CTNNA2: variants seen among roughly 807,000 people sequenced by gnomAD.
CTNNA2 encodes the protein catenin alpha 2, also known as catenin alpha-2.
CTNNA2 carries 42 observed loss-of-function variants against 101.0 expected under a neutral mutation model. The observed-to-expected ratio is 0.42, with a 90% CI of 0.32 to 0.54. The LOEUF (loss-of-function observed/expected upper bound fraction) is 0.54, where lower values mean the gene tolerates loss of function less well. CTNNA2 is among the 20% of genes least tolerant of loss of function. CTNNA2 has a pLI of 0.14. For missense variants in CTNNA2, 871 were observed against 1,223.1 expected (o/e 0.71, Z 4.29); for synonymous variants, 450 against 456.4 (o/e 0.99, Z 0.18).
chr2:79,719,313 T>C (rs575712576), intron 2 of CTNNA2, among the ~76,000 whole-genome samples: 1 of 152,302 alleles, frequency 6.6e-6, no homozygotes, highest in South Asian at 2.1e-4. Flanking sequence ...CAATCCACCA[T>C]TAATGGACAC....
chr2:79,616,848 T>G (rs923677038), intron 1 of CTNNA2, among the ~76,000 whole-genome samples: 13 of 152,166 alleles, frequency 8.5e-5, no homozygotes, highest in African/African-American at 2.9e-4. Context: ...TCCTTGTCTT[T>G]TGGCGTTTGT....
At chr2:80,109,408 C>G (rs974484913) in intron 7 of CTNNA2, among the ~76,000 whole-genome samples, 1 of 152,052 alleles carries the variant, frequency 6.6e-6, no homozygotes, top group African/African-American at 2.4e-5. Context: ...TTGCAGTGAG[C>G]GGAGATTGCA....
At chr2:79,833,304 T>C (rs927735696) in intron 3 of CTNNA2, among the ~76,000 whole-genome samples, 4 of 152,200 alleles carry the variant, frequency 2.6e-5, no homozygotes, top group Non-Finnish European at 5.9e-5. Context: ...TCCAGGGCCA[T>C]TGCACTTCTG....
intron 4 of CTNNA2, among the ~76,000 whole-genome samples, chr2:79,503,820 C>T (rs192681962): frequency 1.3e-5 from 2 of 152,224 alleles, no homozygotes; most frequent in East Asian, 1.9e-4. Flanking sequence ...GAAGTTGATC[C>T]ACTACCCGGC....
intron 7 of CTNNA2, among the ~76,000 whole-genome samples, chr2:80,301,081 C>T (rs1309714184): frequency 6.6e-6 from 1 of 152,146 alleles, no homozygotes; most frequent in East Asian, 1.9e-4. Context: ...TATCTTCTCC[C>T]ACTCTCCCCA....
At chr2:80,167,022 T>C (rs1298598981) in intron 7 of CTNNA2, among the ~76,000 whole-genome samples, 1 of 151,764 alleles carries the variant, frequency 6.6e-6, no homozygotes, top group Non-Finnish European at 1.5e-5. Context: ...CAGCCTGACT[T>C]CTTCTTGCAT....
chr2:79,583,114 A>G (rs1413107195), intron 1 of CTNNA2, among the ~76,000 whole-genome samples: 1 of 151,648 alleles, frequency 6.6e-6, no homozygotes, highest in Admixed American at 6.6e-5. Flanking sequence ...TTGTTGCCAC[A>G]GTTTGTTTAT....
At chr2:79,615,639 G>A (rs1678568900) in intron 1 of CTNNA2, among the ~76,000 whole-genome samples, 1 of 152,138 alleles carries the variant, frequency 6.6e-6, no homozygotes, top group Admixed American at 6.5e-5. Context: ...GGTATTTGAA[G>A]GAATTTTCTT....
At chr2:80,644,838 A>G (rs1041537724) in intron 18 of CTNNA2, among the ~76,000 whole-genome samples, 3 of 152,166 alleles carry the variant, frequency 2.0e-5, no homozygotes, top group Non-Finnish European at 2.9e-5. Context: ...TTTCAAAGCT[A>G]TCTCACTCTC....
At chr2:80,609,071 G>T (rs216669) in intron 17 of CTNNA2, among the ~76,000 whole-genome samples, 34,137 of 151,550 alleles carry the variant, frequency 0.23, 5,437 homozygotes, top group African/African-American at 0.46. Context: ...TCAACACAGG[G>T]TGCCATTTGT....
chr2:80,409,748 A>G (rs1679398898), intron 8 of CTNNA2, among the ~76,000 whole-genome samples: 1 of 152,276 alleles, frequency 6.6e-6, no homozygotes, highest in South Asian at 2.1e-4. Context: ...TAGTATCTGT[A>G]CCATCATATT....
intron 7 of CTNNA2, among the ~76,000 whole-genome samples, chr2:79,950,842 A>G (rs1242380715): frequency 6.6e-6 from 1 of 152,190 alleles, no homozygotes; most frequent in East Asian, 1.9e-4. Context: ...ATACATTAAC[A>G]TTTACCCACC....
At chr2:80,077,272 C>G (rs1573009046) in intron 7 of CTNNA2, among the ~76,000 whole-genome samples, 1 of 152,206 alleles carries the variant, frequency 6.6e-6, no homozygotes, top group Non-Finnish European at 1.5e-5. Context: ...GTAAATAACA[C>G]TTTAAGAAAG....
At chr2:80,563,486 G>C (rs1015691069) in intron 12 of CTNNA2, among the ~76,000 whole-genome samples, 7 of 152,190 alleles carry the variant, frequency 4.6e-5, no homozygotes, top group Admixed American at 3.3e-4. Context: ...GTGAACAAAA[G>C]AACAACAGAA....
intron 3 of CTNNA2, among the ~76,000 whole-genome samples, chr2:79,821,477 A>G (rs963110859): frequency 6.6e-6 from 1 of 152,194 alleles, no homozygotes; most frequent in African/African-American, 2.4e-5. Context: ...TCAAAGCTTT[A>G]GGATTACAGG....
At chr2:80,327,188 A>G (rs1385028051) in intron 7 of CTNNA2, among the ~76,000 whole-genome samples, 1 of 152,204 alleles carries the variant, frequency 6.6e-6, no homozygotes. Context: ...CTCTTTTATT[A>G]AAGGAAAAGT....
At chr2:79,737,047 A>G (rs1447133056) in intron 2 of CTNNA2, among the ~76,000 whole-genome samples, 1 of 152,270 alleles carries the variant, frequency 6.6e-6, no homozygotes, top group African/African-American at 2.4e-5. Context: ...GGAAGGGTTT[A>G]CCTGTTAAAA....
At chr2:80,536,422 CT>C (rs1691027570) in intron 9 of CTNNA2, among the ~76,000 whole-genome samples, 1 of 152,020 alleles carries the variant, frequency 6.6e-6, no homozygotes, top group Non-Finnish European at 1.5e-5. Context: ...GGAGCAAGTG[CT>C]TTATGGACCT....
intron 3 of CTNNA2, among the ~76,000 whole-genome samples, chr2:79,327,501 GA>G (rs1296259073): frequency 1.8e-4 from 28 of 152,236 alleles, no homozygotes; most frequent in African/African-American, 6.7e-4. Flanking sequence ...AAAAATGAAA[GA>G]AAAATTTAAT....
Sources: gnomAD v4.1 joint callset for allele counts (sites outside exome capture counted in the v4.1 genomes callset) on GRCh38, gnomAD v4.1.1 for gene constraint, MANE v1.5 for transcripts, NCBI Gene and HGNC (gene_info 2026-07-23, HGNC 2026-07-21) for gene names.